FMO5: variants seen among roughly 807,000 people sequenced by gnomAD.
FMO5 encodes flavin containing dimethylaniline monoxygenase 5.
Under a neutral mutation model 43.6 loss-of-function variants are expected in FMO5, and 51 were observed. That is an observed-to-expected ratio of 1.17 (90% confidence interval 0.93 to 1.48). FMO5 has a LOEUF of 1.48. FMO5 is among the 40% of genes most tolerant of loss of function. The pLI is 0.00. For missense variants in FMO5, 644 were observed against 643.0 expected (o/e 1.00, Z -0.02); for synonymous variants, 187 against 216.5 (o/e 0.86, Z 1.20).
At chr1:147,198,375 A>G (rs1658365577) in intron 7 of FMO5, among the ~76,000 whole-genome samples, 1 of 152,152 alleles carries the variant, frequency 6.6e-6, no homozygotes, top group African/African-American at 2.4e-5. Context: ...TTACAAAGGG[A>G]GGGAAGAAAT....
chr1:147,203,629 C>T, intron 6 of FMO5: 3 of 1,258,712 alleles, frequency 2.4e-6, no homozygotes, highest in Non-Finnish European at 3.5e-6. Context: ...TAATAGCGTA[C>T]TGTTCAAGTC....
rs1659454458 is a variant in FMO5 at position 147,203,682 on chromosome 1, C to A, written c.831-2178G>T. On this transcript the variant is annotated intron_variant, in intron 6 of 8. Transcript: ENST00000254090. ...TATGATGTGATCTGTTTGGCTAATT[C>A]AATTTCTGTTGCTCCACCTCTGGGT... is the stretch of plus-strand genomic sequence containing the variant. The A allele has an allele frequency of 1.3e-5, 19 of 1,476,268 alleles. No homozygotes were observed. In the South Asian group the frequency reaches 1.7e-4, roughly 13 times the overall value. The allele number at this position is 1,476,268 out of a possible 1,614,324, so 91.4% of individuals were successfully genotyped here.
In FMO5 at chr1:147,201,292, T is replaced by G; in HGVS notation, c.1043A>C (p.Asn348Thr). Reference protein sequence around the residue: ...FLEDSVKVVKNKISLYKKVFP... With the variant: ...FLEDSVKVVKTKISLYKKVFP... ...GACCTTTTTATACAGGGATATCTTG[T>G]TTTTGACCACTTTGACGGAATCTTC... The change falls in exon 7 of 9, where the codon AAC (asparagine) becomes ACC (threonine). Residue 348 changes from asparagine to threonine, a missense_variant. Transcript: ENST00000254090. 1 of 1,614,146 alleles carries G rather than the reference T, an allele frequency of 6.2e-7. No homozygotes were observed. Among genetic ancestry groups the G allele is most frequent in the Non-Finnish European group, 8.5e-7 (1 of 1,179,996 alleles).
intron 6 of FMO5, chr1:147,204,130 T>G: frequency 9.5e-7 from 1 of 1,057,932 alleles, no homozygotes; most frequent in Non-Finnish European, 1.5e-6. Context: ...CTCCCTTACT[T>G]AAATTCATCA....
Position 147,215,880 on chromosome 1 carries a change from C to T in FMO5, c.198G>A (p.Glu66=), listed in dbSNP as rs1185646949. The T allele has an allele frequency of 8.7e-6, 14 of 1,613,494 alleles. No individual in the cohort carries two copies. The highest frequency in any genetic ancestry group is 1.2e-5 in the Non-Finnish European group (14 of 1,179,560). Residue 66 remains glutamate (E), a synonymous_variant, in exon 3 of 9, where the codon GAG becomes GAA. Transcript: ENST00000254090. ...TTGGATAGTCACTGAAGCACATCATCTCTTTAGAAGTATTGATGATCACTG... is the reference window on the plus strand; with the variant it reads ...TTGGATAGTCACTGAAGCACATCATTTCTTTAGAAGTATTGATGATCACTG... ...YKSVIINTSK[E]MMCFSDYPIP...
chr1:147,203,168 C>A (rs868938641), intron 6 of FMO5: 4 of 516,686 alleles, frequency 7.7e-6, no homozygotes, highest in South Asian at 3.0e-5. Flanking sequence ...GCCAAGAATA[C>A]AAACACAAAA....
intron 8 of FMO5, among the ~76,000 whole-genome samples, chr1:147,189,126 G>T (rs116516286): frequency 0.037 from 5,607 of 151,956 alleles, 153 homozygotes; most frequent in South Asian, 0.095. Flanking sequence ...ATACAAAAAT[G>T]AGCTGGGTTT....
chr1:147,188,647 G>A (rs1164873154), intron 8 of FMO5, among the ~76,000 whole-genome samples: 4 of 151,016 alleles, frequency 2.6e-5, no homozygotes, highest in Non-Finnish European at 5.9e-5. Context: ...ACACATAGTC[G>A]GCCTTTAATA....
chr1:147,204,040 T>G (rs1320338151), intron 6 of FMO5: 4 of 1,165,714 alleles, frequency 3.4e-6, no homozygotes, highest in Non-Finnish European at 5.2e-6. Context: ...GAGCCATGTC[T>G]GCCACTTTGC....
In FMO5 at chr1:147,186,848, G is replaced by T; in HGVS notation, c.*52C>A. 1.9e-6 allele frequency: 3 copies of T among 1,552,958 alleles called. No homozygotes were observed. The Admixed American group carries it at 5.7e-5, about 30-fold the overall frequency. On this transcript the variant is annotated 3_prime_UTR_variant, in exon 9 of 9. Transcript: ENST00000254090. Reference sequence around the variant, plus strand: ...GAGTCAATCTCGTCAGATTCTGAAGGCATCTGTAGATAAGCTTCCCAATGA... The same window carrying T: ...GAGTCAATCTCGTCAGATTCTGAAGTCATCTGTAGATAAGCTTCCCAATGA...
chr1:147,208,745 G>T, intron 6 of FMO5, 107 bp downstream of exon 6: 3 of 911,792 alleles, frequency 3.3e-6, no homozygotes, highest in Non-Finnish European at 5.2e-6. Context: ...AGCCACTGTG[G>T]GTTTTCTTAA....
At chr1:147,208,742 G>A in intron 6 of FMO5, 110 bp downstream of exon 6, 2 of 876,538 alleles carry the variant, frequency 2.3e-6, no homozygotes, top group Admixed American at 2.1e-5. Flanking sequence ...CCCAGCCACT[G>A]TGGGTTTTCT....
intron 7 of FMO5, among the ~76,000 whole-genome samples, chr1:147,191,828 C>T (rs1308457106): frequency 3.9e-5 from 6 of 151,982 alleles, no homozygotes; most frequent in South Asian, 2.1e-4. Flanking sequence ...TGTAGACATG[C>T]GGCATTATTT....
intron 2 of FMO5, among the ~76,000 whole-genome samples, chr1:147,216,411 G>A (rs1662003745): frequency 6.6e-6 from 1 of 151,022 alleles, no homozygotes; most frequent in South Asian, 2.1e-4. Context: ...TACTAACACT[G>A]AGTAATAGTC....
rs1571243639 is a variant in FMO5, at chr1:147,201,281, G to A, written c.1054C>T (p.Leu352=). 32 of 1,614,080 alleles carry A rather than the reference G, an allele frequency of 2.0e-5. No homozygotes were observed. Among genetic ancestry groups the A allele is most frequent in the Non-Finnish European group, 2.7e-5 (32 of 1,179,988 alleles). ...TTAGGAGGGAAGACCTTTTTATACA[G>A]GGATATCTTGTTTTTGACCACTTTG... ...SVKVVKNKIS[L]YKKVFPPNLE... is the part of the protein sequence containing the mutation. Residue 352 remains leucine, a synonymous_variant, in exon 7 of 9, where the codon CTG becomes TTG. Coordinates refer to ENST00000254090, the MANE Select transcript of FMO5 (RefSeq NM_001461.4).
At chr1:147,205,686 A>G (rs1553922108) in intron 6 of FMO5, among the ~76,000 whole-genome samples, 1 of 152,208 alleles carries the variant, frequency 6.6e-6, no homozygotes, top group Non-Finnish European at 1.5e-5. Flanking sequence ...TATTTAACAA[A>G]TGGTGCTGGG....
intron 8 of FMO5, among the ~76,000 whole-genome samples, chr1:147,187,477 G>C (rs587669305): frequency 6.6e-6 from 1 of 152,286 alleles, no homozygotes; most frequent in Non-Finnish European, 1.5e-5. Flanking sequence ...CTGCCAAATA[G>C]AAATGTGGAG....
At position 147,186,781 on chromosome 1, in the gene FMO5, G is replaced by A. The variant is rs41312710; in HGVS notation, c.*119C>T. The A allele has an allele frequency of 7.6e-3, 11,280 of 1,482,872 alleles. 57 individuals carry two copies. The highest frequency in any genetic ancestry group is 8.7e-3 in the South Asian group (607 of 70,072). The allele number at this position is 1,482,872 out of a possible 1,614,324, so 91.9% of individuals were successfully genotyped here. A position where few individuals can be genotyped will look rare whatever the true frequency, so the allele number is the denominator to read the frequency against. On this transcript the variant is annotated 3_prime_UTR_variant, in exon 9 of 9. Coordinates refer to ENST00000254090, the MANE Select transcript of FMO5 (RefSeq NM_001461.4). ...AAAAGGAAAGTGAATTAATGCTTTC[G>A]AAAGAGACATTAAAGTAGATTTCTG...
chr1:147,204,592 A>G, intron 6 of FMO5: 1 of 1,592,540 alleles, frequency 6.3e-7, no homozygotes, highest in Non-Finnish European at 8.6e-7. Context: ...TTCTTCAGCT[A>G]ATTCCAGGAG....
Sources: allele counts gnomAD v4.1 joint callset (sites outside exome capture counted in the v4.1 genomes callset), GRCh38; gene constraint gnomAD v4.1.1; transcripts MANE v1.5; gene names NCBI Gene and HGNC (gene_info 2026-07-23, HGNC 2026-07-21).